Variants in MBNL2 observed in about 807,000 individuals in gnomAD.
MBNL2 encodes muscleblind like splicing regulator 2, also known as muscleblind-like protein 2.
Under a neutral mutation model 41.9 loss-of-function variants are expected in MBNL2, and 17 were observed. The observed-to-expected ratio is 0.41, with a 90% confidence interval of 0.28 to 0.61. The LOEUF (loss-of-function observed/expected upper bound fraction) is 0.61. MBNL2 is among the 20% of genes least tolerant of loss of function. The pLI, the probability that MBNL2 is intolerant of heterozygous loss-of-function variation, is 0.35. For missense variants in MBNL2, 336 were observed against 505.6 expected (o/e 0.66, Z 3.22); for synonymous variants, 195 against 182.9 (o/e 1.07, Z -0.53).
At chr13:97,201,499 T>C in the MBNL2 span, among the ~76,000 whole-genome samples, 1 of 152,196 alleles carries the variant, frequency 6.6e-6, no homozygotes, top group African/African-American at 2.4e-5. Context: ...ATATTGAATA[T>C]CAGACAGGAA....
chr13:97,207,958 C>A, the MBNL2 span, among the ~76,000 whole-genome samples: 6 of 152,328 alleles, frequency 3.9e-5, no homozygotes, highest in Admixed American at 3.3e-4. Flanking sequence ...TCTTAAAGTT[C>A]CGAAATGATC....
the MBNL2 span, among the ~76,000 whole-genome samples, chr13:97,159,892 A>G: frequency 5.3e-5 from 8 of 151,700 alleles, no homozygotes; most frequent in East Asian, 5.8e-4. Context: ...TGCTCTTCTC[A>G]AGGAGTATCT....
chr13:97,169,115 T>G, the MBNL2 span, among the ~76,000 whole-genome samples: 2 of 152,184 alleles, frequency 1.3e-5, no homozygotes, highest in African/African-American at 4.8e-5. Context: ...AGAGATGCCC[T>G]CTACACAGCC....
upstream of MBNL2, among the ~76,000 whole-genome samples, chr13:97,216,636 C>G (rs2040399910): frequency 6.6e-6 from 1 of 152,178 alleles, no homozygotes; most frequent in African/African-American, 2.4e-5. Context: ...AGACACCTAT[C>G]CTTTTCTATT....
At chr13:97,263,868 TC>T (rs1259812770) in intron 1 of MBNL2, among the ~76,000 whole-genome samples, 4 of 152,182 alleles carry the variant, frequency 2.6e-5, no homozygotes, top group African/African-American at 4.8e-5. Context: ...TCTGCCCGCC[TC>T]GGCCTCCGAA....
At chr13:97,345,087 G>A (rs1360649131) in intron 4 of MBNL2, among the ~76,000 whole-genome samples, 1 of 152,178 alleles carries the variant, frequency 6.6e-6, no homozygotes, top group Non-Finnish European at 1.5e-5. Flanking sequence ...TCCAAAGTAG[G>A]AGGAAACAAT....
the MBNL2 span, among the ~76,000 whole-genome samples, chr13:97,173,095 G>T: frequency 6.6e-6 from 1 of 152,180 alleles, no homozygotes; most frequent in South Asian, 2.1e-4. Context: ...GTATGTATAT[G>T]TGTGTGTATG....
intron 2 of MBNL2, among the ~76,000 whole-genome samples, chr13:97,308,058 G>T (rs779989104): frequency 6.6e-6 from 1 of 152,102 alleles, no homozygotes. Context: ...ATAATAAAAG[G>T]GATTACATCT....
chr13:97,365,969 G>GA (rs140598871), intron 8 of MBNL2, among the ~76,000 whole-genome samples: 2,097 of 149,236 alleles, frequency 0.014, 55 homozygotes, highest in African/African-American at 0.048. Context: ...GTCCTAAATT[G>GA]AAAAAAAAAA....
the MBNL2 span, among the ~76,000 whole-genome samples, chr13:97,176,206 C>T: frequency 6.6e-6 from 1 of 152,118 alleles, no homozygotes; most frequent in Non-Finnish European, 1.5e-5. Flanking sequence ...ATCAAAGAAA[C>T]TGAAAGAATT....
intron 2 of MBNL2, among the ~76,000 whole-genome samples, chr13:97,330,066 G>T (rs981831603): frequency 1.3e-5 from 2 of 152,188 alleles, no homozygotes; most frequent in African/African-American, 4.8e-5. Flanking sequence ...GCTTCATGAA[G>T]GGAGACACCA....
the MBNL2 span, among the ~76,000 whole-genome samples, chr13:97,215,947 T>C: frequency 6.6e-6 from 1 of 152,236 alleles, no homozygotes; most frequent in African/African-American, 2.4e-5. Flanking sequence ...CTAACAGACA[T>C]TGAGCACTGC....
At chr13:97,187,331 T>A in the MBNL2 span, among the ~76,000 whole-genome samples, 9 of 152,036 alleles carry the variant, frequency 5.9e-5, no homozygotes, top group Non-Finnish European at 1.3e-4. Flanking sequence ...TGAGATTTAG[T>A]CCCTGTTCAC....
chr13:97,153,004 A>G, the MBNL2 span, among the ~76,000 whole-genome samples: 2 of 152,134 alleles, frequency 1.3e-5, no homozygotes, highest in African/African-American at 2.4e-5. Flanking sequence ...AGAAGAATAA[A>G]TAGCAGACCT....
At chr13:97,171,711 T>A in the MBNL2 span, among the ~76,000 whole-genome samples, 1 of 152,156 alleles carries the variant, frequency 6.6e-6, no homozygotes, top group East Asian at 1.9e-4. Context: ...GATGGACCTA[T>A]GTAAAATTCA....
chr13:97,213,314 A>G, the MBNL2 span, among the ~76,000 whole-genome samples: 3 of 151,396 alleles, frequency 2.0e-5, no homozygotes, highest in South Asian at 2.1e-4. Flanking sequence ...AATGAACAGG[A>G]AAAAAAAACC....
intron 5 of MBNL2, among the ~76,000 whole-genome samples, chr13:97,354,085 C>T (rs913476911): frequency 2.0e-5 from 3 of 149,334 alleles, no homozygotes; most frequent in Non-Finnish European, 4.4e-5. Context: ...CCTCTTCTGA[C>T]TCATCACTCA....
intron 1 of MBNL2, among the ~76,000 whole-genome samples, chr13:97,267,817 C>A (rs376761814): frequency 2.0e-5 from 3 of 152,186 alleles, no homozygotes; most frequent in Admixed American, 2.0e-4. Flanking sequence ...AGCACTCTTA[C>A]AATTGTTTCT....
At chr13:97,166,833 T>TAGATAGAA in the MBNL2 span, among the ~76,000 whole-genome samples, 88 of 110,746 alleles carry the variant, frequency 7.9e-4, no homozygotes, top group African/African-American at 2.0e-3. Context: ...GATAGATAGA[T>TAGATAGAA]AGATAGAAAG....
Sources: gnomAD v4.1 joint callset for allele counts (sites outside exome capture counted in the v4.1 genomes callset) on GRCh38, gnomAD v4.1.1 for gene constraint, MANE v1.5 for transcripts, NCBI Gene and HGNC (gene_info 2026-07-23, HGNC 2026-07-21) for gene names.